Variants in IP6K2 observed in about 807,000 individuals in gnomAD.
IP6K2 encodes inositol hexakisphosphate kinase 2, also known as ATP:1D-myo-inositol-hexakisphosphate phosphotransferase.
A neutral mutation model predicts 43.3 loss-of-function variants in IP6K2; 9 were observed. That is an observed-to-expected ratio of 0.21 (90% CI 0.13 to 0.36). The LOEUF (loss-of-function observed/expected upper bound fraction) is 0.36, where lower values mean the gene tolerates loss of function less well. Among genes scored for constraint, IP6K2 ranks in the 10% least tolerant of loss-of-function variants. IP6K2 has a pLI of 1.00. For missense variants in IP6K2, 332 were observed against 538.4 expected, an observed-to-expected ratio of 0.62 and a Z score of 3.79; for synonymous variants, 209 against 202.4, an observed-to-expected ratio of 1.03 and a Z score of -0.28.
intron 1 of IP6K2, among the ~76,000 whole-genome samples, chr3:48,697,273 G>A (rs1437162513): frequency 6.6e-6 from 1 of 151,514 alleles, no homozygotes; most frequent in African/African-American, 2.4e-5. Flanking sequence ...GCCCACCTCA[G>A]CATCCCAAAG....
chr3:48,688,625 T>C lies in IP6K2; in HGVS notation c.929A>G (p.Lys310Arg). 2 of 1,614,264 alleles carry C rather than the reference T, an allele frequency of 1.2e-6. No individual in the cohort carries two copies. Among genetic ancestry groups the C allele is most frequent in the Non-Finnish European group, 1.7e-6 (2 of 1,180,048 alleles). The change falls in exon 6 of 6, where the codon AAG (lysine) becomes AGG (arginine). Residue 310 changes from lysine (K) to arginine (R), a missense_variant. By Grantham distance (26) the Lys-to-Arg change is conservative (BLOSUM62 2). Coordinates refer to ENST00000328631, the MANE Select transcript of IP6K2 (RefSeq NM_016291.4). The surrounding 1 kb of genome is among the most constrained non-coding windows in gnomAD (Gnocchi z 5.1). ...RRELLGPVLKKLTELKAVLER... is the reference protein window; with the variant it reads ...RRELLGPVLKRLTELKAVLER... ...CAACACTGCCTTGAGCTCAGTCAGC[T>C]TCTTGAGCACAGGGCCCAGGAGTTC...
intron 1 of IP6K2, chr3:48,715,302 G>A (rs2081072095): frequency 6.5e-7 from 1 of 1,536,072 alleles, no homozygotes; most frequent in Non-Finnish European, 8.7e-7. Context: ...GCCAAACAAT[G>A]GAAAATTTTC....
At chr3:48,712,995 AGAGT>A (rs1456832748) in intron 1 of IP6K2, among the ~76,000 whole-genome samples, 1 of 152,160 alleles carries the variant, frequency 6.6e-6, no homozygotes, top group African/African-American at 2.4e-5. Flanking sequence ...CCTGGGCAAC[AGAGT>A]GAGACTCCGT....
chr3:48,688,464 C>T lies in IP6K2; in HGVS notation c.1090G>A (p.Ala364Thr). Residue 364 changes from alanine (A) to threonine (T), a missense_variant, in exon 6 of 6, where the codon GCT becomes ACT. By Grantham distance (58) the Ala-to-Thr change is moderately conservative. Transcript: ENST00000328631. This position sits in a 1 kb window ranked among gnomAD's most constrained non-coding sequence, Gnocchi z 5.1. ...ATGGGTTTGTAGGCATAGGCACCAG[C>T]AGACTCATCAGCTGATTCCTCTGAC... ...DLSEESADES[A>T]GAYAYKPIGA... is the part of the protein sequence containing the mutation. 1 of 1,614,254 alleles carries T rather than the reference C, an allele frequency of 6.2e-7. No individual in the cohort carries two copies. Among genetic ancestry groups the T allele is most frequent in the Non-Finnish European group, 8.5e-7 (1 of 1,180,046 alleles).
At chr3:48,708,836 G>A (rs974102174) in intron 1 of IP6K2, among the ~76,000 whole-genome samples, 1 of 152,182 alleles carries the variant, frequency 6.6e-6, no homozygotes, top group African/African-American at 2.4e-5. Flanking sequence ...CACTTTGGAG[G>A]CCAAGGCAGG....
At chr3:48,715,655 C>G in intron 1 of IP6K2, 1 of 569,848 alleles carries the variant, frequency 1.8e-6, no homozygotes, top group Non-Finnish European at 3.1e-6. Flanking sequence ...AAGCTAGTTT[C>G]TACAATTGTA....
At chr3:48,691,261 TCTC>T in intron 4 of IP6K2, 43 bp downstream of exon 4, 2 of 1,506,604 alleles carry the variant, frequency 1.3e-6, no homozygotes, top group Non-Finnish European at 1.8e-6. Context: ...CCTCATTTCC[TCTC>T]CTCTTACCCT....
intron 1 of IP6K2, among the ~76,000 whole-genome samples, chr3:48,704,081 A>G (rs2079396772): frequency 6.6e-6 from 1 of 152,176 alleles, no homozygotes; most frequent in Admixed American, 6.6e-5. Flanking sequence ...ACAGAGTGAG[A>G]CTCTATCTCA....
At chr3:48,707,704 C>T (rs1474655991) in intron 1 of IP6K2, among the ~76,000 whole-genome samples, 1 of 152,182 alleles carries the variant, frequency 6.6e-6, no homozygotes. Flanking sequence ...TCCCAAAGTG[C>T]TGGGATTACA....
In IP6K2 at chr3:48,695,954, G is replaced by A. The variant is rs992981832; in HGVS notation, c.-130-533C>T. ...GGCGGGAGTGCAGTGGCACAATCTC[G>A]ACTCACTGCAACCTCCGCCTCTCAG... On this transcript the variant is annotated intron_variant, in intron 1 of 5. Transcript: ENST00000328631. The surrounding 1 kb of genome is among the most constrained non-coding windows in gnomAD (Gnocchi z 4.6). Among the ~76,000 whole-genome samples, 4 of 150,672 alleles carry A rather than the reference G, an allele frequency of 2.7e-5. No homozygotes were observed. Among genetic ancestry groups the A allele is most frequent in the Admixed American group, 1.3e-4 (2 of 15,040 alleles).
chr3:48,711,113 G>A (rs1456357355), intron 1 of IP6K2, among the ~76,000 whole-genome samples: 5 of 152,086 alleles, frequency 3.3e-5, no homozygotes, highest in Admixed American at 1.3e-4. Context: ...GTTTCGCCAC[G>A]TTGCCCAGGC....
At chr3:48,693,245 A>T in intron 2 of IP6K2, 66 bp from the exon 3 acceptor site, 1 of 1,393,174 alleles carries the variant, frequency 7.2e-7, no homozygotes, top group Non-Finnish European at 1.0e-6. Context: ...AAGTAACATG[A>T]TTGTAACATT....
At chr3:48,690,991 G>A (rs1473264363) in intron 4 of IP6K2, among the ~76,000 whole-genome samples, 1 of 152,044 alleles carries the variant, frequency 6.6e-6, no homozygotes, top group African/African-American at 2.4e-5. Flanking sequence ...AAAACAGGGA[G>A]CAGCTCCTTG....
chr3:48,708,731 G>A (rs1164073431), intron 1 of IP6K2, among the ~76,000 whole-genome samples: 2 of 152,044 alleles, frequency 1.3e-5, no homozygotes, highest in Non-Finnish European at 2.9e-5. Context: ...AATCTATGAG[G>A]GATTTTTGCA....
chr3:48,703,579 T>TG, intron 1 of IP6K2, among the ~76,000 whole-genome samples: 2 of 148,224 alleles, frequency 1.3e-5, no homozygotes, highest in East Asian at 3.9e-4. Context: ...TAGCCAGGCA[T>TG]GGTGGCAGGG....
At position 48,689,126 on chromosome 3, in the gene IP6K2, C is replaced by T. The variant is rs2077560884; in HGVS notation, c.781-353G>A. ...AGGCATGCATGCTTTCTTTTTTAAC[C>T]AAAAAGCAACAGACTCATGTAGGGT... On this transcript the variant is annotated intron_variant, in intron 5 of 5. Transcript: ENST00000328631. Among the ~76,000 whole-genome samples, 3 of 152,130 alleles carry T rather than the reference C, an allele frequency of 2.0e-5. No individual in the cohort carries two copies. In the South Asian group the frequency reaches 6.2e-4, roughly 31 times the overall value.
intron 1 of IP6K2, among the ~76,000 whole-genome samples, chr3:48,704,209 G>A (rs2079415880): frequency 1.3e-5 from 2 of 152,178 alleles, no homozygotes; most frequent in South Asian, 2.1e-4. Flanking sequence ...GTCTTGTGGG[G>A]AACACCAAAT....
chr3:48,713,453 T>G (rs1025051995), intron 1 of IP6K2, among the ~76,000 whole-genome samples: 5 of 152,210 alleles, frequency 3.3e-5, no homozygotes, highest in Non-Finnish European at 5.9e-5. Context: ...AAACCCAGAC[T>G]TAGGAGATCT....
intron 1 of IP6K2, among the ~76,000 whole-genome samples, chr3:48,708,997 AG>A (rs1440092359): frequency 6.6e-6 from 1 of 152,196 alleles, no homozygotes; most frequent in Non-Finnish European, 1.5e-5. Flanking sequence ...GAGGCTGCAA[AG>A]CTCAAGGTTA....
Sources: gnomAD v4.1 joint callset for allele counts (sites outside exome capture counted in the v4.1 genomes callset) on GRCh38, gnomAD v4.1.1 for gene constraint, Gnocchi (gnomAD v3.1) non-coding constraint, MANE v1.5 for transcripts, NCBI Gene and HGNC (gene_info 2026-07-23, HGNC 2026-07-21) for gene names.